The following PIK3C3 variants were observed in gnomAD, a reference collection of about 807,000 sequenced individuals.
The protein encoded by PIK3C3 is phosphatidylinositol 3-kinase catalytic subunit type 3, also known as PI3-kinase type 3.
PIK3C3 carries 95 observed loss-of-function variants against 126.1 expected under a neutral mutation model. That is an observed-to-expected ratio of 0.75 (90% CI 0.64 to 0.89). PIK3C3 has a LOEUF of 0.89. Ranked by LOEUF, PIK3C3 falls within the 40% of genes least tolerant of loss-of-function variation. PIK3C3 has a pLI of 0.00. For synonymous variants in PIK3C3, 374 were observed against 360.0 expected (o/e 1.04, Z -0.44); for missense variants, 829 against 1,063.2 (o/e 0.78, Z 3.06).
At chr18:42,058,792 G>A (rs1985186282) in intron 22 of PIK3C3, among the ~76,000 whole-genome samples, 1 of 152,160 alleles carries the variant, frequency 6.6e-6, no homozygotes, top group Non-Finnish European at 1.5e-5. Context: ...TGGCTCTGAT[G>A]ATTATTAGTC....
intron 12 of PIK3C3, among the ~76,000 whole-genome samples, chr18:42,019,110 A>T (rs1983207539): frequency 6.6e-6 from 1 of 152,124 alleles, no homozygotes; most frequent in African/African-American, 2.4e-5. Flanking sequence ...TCTGTTTCCC[A>T]TCACCGGTTT....
chr18:41,968,125 CCATCCCAAGGCACCTAAAT>C (rs1313164768), intron 3 of PIK3C3, among the ~76,000 whole-genome samples: 11 of 152,184 alleles, frequency 7.2e-5, no homozygotes, highest in Non-Finnish European at 1.6e-4. Flanking sequence ...TTCTCTAGAT[CCATCCCAAGGCACCTAAAT>C]CATTTAGTAA....
chr18:41,961,348 G>A (rs1020681999), intron 2 of PIK3C3, among the ~76,000 whole-genome samples: 3 of 152,084 alleles, frequency 2.0e-5, no homozygotes, highest in Non-Finnish European at 4.4e-5. Context: ...TTTCTAGCCT[G>A]CCCTACCATG....
chr18:41,984,814 C>T (rs1469336418), intron 4 of PIK3C3: 2 of 152,130 alleles, frequency 1.3e-5, no homozygotes, highest in East Asian at 3.9e-4. Flanking sequence ...ATGAAATATG[C>T]CTTCTGATAG....
Position 42,059,329 on chromosome 18 carries a change from A to C in PIK3C3, c.2432+1278A>C, listed in dbSNP as rs1003773480. 2.3e-4 allele frequency among the ~76,000 whole-genome samples: 35 copies of C among 152,208 alleles called. 1 individual carries two copies. The highest frequency in any genetic ancestry group is 8.4e-4 in the African/African-American group (35 of 41,438). ...CAGAAATGCCAAAAGAATAATGAGA[A>C]AATCAGTGCTCTTTAGATTTGTTTG... On this transcript the variant is annotated intron_variant, in intron 22 of 24. Coordinates refer to ENST00000262039, the MANE Select transcript of PIK3C3 (RefSeq NM_002647.4).
At chr18:41,956,325 G>T (rs1979770744) in intron 1 of PIK3C3, among the ~76,000 whole-genome samples, 1 of 151,996 alleles carries the variant, frequency 6.6e-6, no homozygotes, top group African/African-American at 2.4e-5. Context: ...TGTGGTGGTG[G>T]TGGTAAAAGT....
At chr18:41,977,685 A>G (rs997319122) in intron 4 of PIK3C3, among the ~76,000 whole-genome samples, 19 of 152,084 alleles carry the variant, frequency 1.2e-4, no homozygotes, top group African/African-American at 4.6e-4. Context: ...GGGTTTCACC[A>G]TGTTGGCCAG....
At chr18:42,063,732 TTTA>T (rs375857500) in intron 22 of PIK3C3, among the ~76,000 whole-genome samples, 6 of 151,786 alleles carry the variant, frequency 4.0e-5, no homozygotes, top group African/African-American at 9.7e-5. Flanking sequence ...CAGTTCGTAT[TTTA>T]TTATTATTAT....
At chr18:42,068,819 G>A (rs1033330605) in intron 24 of PIK3C3, among the ~76,000 whole-genome samples, 6 of 151,908 alleles carry the variant, frequency 3.9e-5, no homozygotes, top group African/African-American at 1.2e-4. Context: ...GTGTGATGGC[G>A]GGCGCCTGTA....
intron 4 of PIK3C3, among the ~76,000 whole-genome samples, chr18:41,971,826 G>T (rs643081): frequency 0.045 from 6,810 of 152,062 alleles, 506 homozygotes; most frequent in African/African-American, 0.15. Flanking sequence ...GATTCATATT[G>T]TAGGTGAAAT....
At chr18:42,056,908 T>C (rs1201300767) in intron 21 of PIK3C3, among the ~76,000 whole-genome samples, 2 of 152,104 alleles carry the variant, frequency 1.3e-5, no homozygotes, top group East Asian at 1.9e-4. Flanking sequence ...TGTTGAATTA[T>C]GGACTTTCCT....
At chr18:42,040,139 ACTGT>A (rs1424263345) in intron 18 of PIK3C3, among the ~76,000 whole-genome samples, 3 of 120,048 alleles carry the variant, frequency 2.5e-5, no homozygotes, top group Non-Finnish European at 3.4e-5. Flanking sequence ...TCTTCCACAT[ACTGT>A]CTGTCCCCTT....
chr18:41,979,195 T>A (rs1981077436), intron 4 of PIK3C3, among the ~76,000 whole-genome samples: 1 of 151,944 alleles, frequency 6.6e-6, no homozygotes, highest in African/African-American at 2.4e-5. Flanking sequence ...TCCTAACTGA[T>A]ACAGATGTTT....
In PIK3C3 at chr18:42,067,417, G is replaced by A. The variant is rs192560842; in HGVS notation, c.2553G>A (p.Ser851=). Residue 851 remains serine (S), a synonymous_variant, in exon 24 of 25, where the codon TCG becomes TCA. Coordinates refer to ENST00000262039, the MANE Select transcript of PIK3C3 (RefSeq NM_002647.4). ...AGGATAAATTCCGCTTAGACCTGTC[G>A]GATGAAGAGGCTGTGCATTACATGC... The part of the protein sequence containing the change: ...KVQDKFRLDL[S]DEEAVHYMQS... 4.3e-5 allele frequency: 69 copies of A among 1,613,960 alleles called. 1 individual carries two copies. The East Asian group carries it at 1.4e-3, about 33-fold the overall frequency.
Position 41,955,285 on chromosome 18 carries a change from C to A in PIK3C3, c.-7C>A, listed in dbSNP as rs758189734. ...CCGCTGTAGGTGGTACCTTTGCAGA[C>A]GGTGCGATGGGGGAAGCAGAGAAGT... On this transcript the variant is annotated 5_prime_UTR_variant, in exon 1 of 25. Coordinates refer to ENST00000262039, the MANE Select transcript of PIK3C3 (RefSeq NM_002647.4). 1.1e-5 allele frequency: 18 copies of A among 1,611,246 alleles called. No homozygotes were observed. Among genetic ancestry groups the A allele is most frequent in the Admixed American group, 1.7e-5 (1 of 59,740 alleles).
chr18:42,047,718 T>C (rs545849750), intron 20 of PIK3C3, among the ~76,000 whole-genome samples: 29 of 152,348 alleles, frequency 1.9e-4, no homozygotes, highest in African/African-American at 6.7e-4. Context: ...TAGTAATTTT[T>C]GAAAGCTTGT....
chr18:42,012,170 A>G (rs1268630717), intron 10 of PIK3C3, among the ~76,000 whole-genome samples: 3 of 146,924 alleles, frequency 2.0e-5, no homozygotes, highest in African/African-American at 7.4e-5. Context: ...GGTTGCTACA[A>G]ACCTTCATTC....
chr18:42,052,380 A>AT (rs1984845108), intron 21 of PIK3C3, among the ~76,000 whole-genome samples: 1 of 152,216 alleles, frequency 6.6e-6, no homozygotes, highest in African/African-American at 2.4e-5. Context: ...TAAAACGTGC[A>AT]TAAGTAAGAT....
chr18:42,076,145 C>CACATATATATATATATAT (rs1232530841), intron 24 of PIK3C3, among the ~76,000 whole-genome samples: 80 of 26,210 alleles, frequency 3.1e-3, no homozygotes, highest in African/African-American at 0.011. Flanking sequence ...TATATATATG[C>CACATATATATATATATAT]GCATATATAT....
Sources: gnomAD v4.1 joint callset for allele counts (sites outside exome capture counted in the v4.1 genomes callset) on GRCh38, gnomAD v4.1.1 for gene constraint, MANE v1.5 for transcripts, NCBI Gene and HGNC (gene_info 2026-07-23, HGNC 2026-07-21) for gene names.